Variants in PALM2AKAP2 observed in about 807,000 individuals in gnomAD.
PALM2AKAP2 encodes PALM2-AKAP2 fusion protein.
PALM2AKAP2 carries 37 observed loss-of-function variants against 71.5 expected under a neutral mutation model. The ratio of observed to expected loss-of-function variants is 0.52; its 90% confidence interval spans 0.40 to 0.68. The LOEUF (loss-of-function observed/expected upper bound fraction) is 0.68, where lower values mean the gene tolerates loss of function less well. Ranked by LOEUF, PALM2AKAP2 falls within the 30% of genes least tolerant of loss-of-function variation. The pLI, the probability that PALM2AKAP2 is intolerant of heterozygous loss-of-function variation, is 0.00. For synonymous variants in PALM2AKAP2, 468 were observed against 478.8 expected, an observed-to-expected ratio of 0.98 and a Z score of 0.29; for missense variants, 1,224 against 1,191.8, an observed-to-expected ratio of 1.03 and a Z score of -0.40.
intron 2 of PALM2AKAP2, among the ~76,000 whole-genome samples, chr9:110,144,517 C>T (rs1475195333): frequency 2.0e-5 from 3 of 152,202 alleles, no homozygotes; most frequent in Non-Finnish European, 4.4e-5. Flanking sequence ...CAAATTACCT[C>T]AACTCTTGAG....
upstream of PALM2AKAP2, among the ~76,000 whole-genome samples, chr9:110,043,714 G>GTTTTTTTT (rs71492869): frequency 9.1e-5 from 9 of 98,406 alleles, 1 homozygote; most frequent in South Asian, 3.2e-4. Context: ...GTTTTTTTTG[G>GTTTTTTTT]TGTTTTTTTT....
At chr9:109,766,248 GC>G (rs35330753) in intron 1 of PALM2AKAP2, among the ~76,000 whole-genome samples, 2 of 152,134 alleles carry the variant, frequency 1.3e-5, no homozygotes, top group Non-Finnish European at 2.9e-5. Flanking sequence ...CAATGACCCT[GC>G]CCAGTGGGAA....
chr9:110,037,853 A>G (rs1243887960), intron 7 of PALM2AKAP2, among the ~76,000 whole-genome samples: 1 of 152,220 alleles, frequency 6.6e-6, no homozygotes, highest in African/African-American at 2.4e-5. Flanking sequence ...GAGGTTAAGT[A>G]TGAGTCTGGA....
intron 3 of PALM2AKAP2, among the ~76,000 whole-genome samples, chr9:110,164,082 C>T (rs1006892361): frequency 1.3e-5 from 2 of 152,138 alleles, no homozygotes; most frequent in African/African-American, 4.8e-5. Context: ...CATAAGATAT[C>T]AAATGAATAC....
At chr9:110,100,573 T>C (rs1226312426) in intron 1 of PALM2AKAP2, among the ~76,000 whole-genome samples, 6 of 152,156 alleles carry the variant, frequency 3.9e-5, no homozygotes, top group Non-Finnish European at 4.4e-5. Flanking sequence ...TCCTCTGCTA[T>C]GTCCCAGATG....
At chr9:110,110,578 T>G (rs1471217218) in intron 1 of PALM2AKAP2, among the ~76,000 whole-genome samples, 1 of 140,436 alleles carries the variant, frequency 7.1e-6, no homozygotes, top group Non-Finnish European at 1.5e-5. Context: ...AGATGGAGTC[T>G]CACTATCATC....
chr9:109,783,447 T>C (rs1268092936), intron 1 of PALM2AKAP2, among the ~76,000 whole-genome samples: 1 of 151,960 alleles, frequency 6.6e-6, no homozygotes, highest in Non-Finnish European at 1.5e-5. Context: ...TACAGGCATG[T>C]GCCACCATGC....
intron 7 of PALM2AKAP2, among the ~76,000 whole-genome samples, chr9:110,029,316 CT>C (rs1241234169): frequency 6.6e-6 from 1 of 152,186 alleles, no homozygotes. Flanking sequence ...ATTTCATTTT[CT>C]GCAGATAGCT....
intron 1 of PALM2AKAP2, among the ~76,000 whole-genome samples, chr9:109,791,518 G>A (rs566840981): frequency 6.6e-6 from 1 of 152,068 alleles, no homozygotes; most frequent in Non-Finnish European, 1.5e-5. Flanking sequence ...TAGGGAGATA[G>A]GGCACCCCAG....
intron 3 of PALM2AKAP2, among the ~76,000 whole-genome samples, chr9:109,917,167 G>T (rs1830712948): frequency 1.3e-5 from 2 of 152,236 alleles, no homozygotes; most frequent in African/African-American, 4.8e-5. Flanking sequence ...TGGTTTTGAA[G>T]ATGGAGGAAG....
At chr9:109,974,113 G>C (rs768365744) in intron 6 of PALM2AKAP2, among the ~76,000 whole-genome samples, 7 of 152,198 alleles carry the variant, frequency 4.6e-5, no homozygotes, top group Non-Finnish European at 7.3e-5. Flanking sequence ...CATGGAGAGA[G>C]CATGCAACCA....
At chr9:109,847,663 C>G (rs1399691228) in intron 1 of PALM2AKAP2, 1 of 152,126 alleles carries the variant, frequency 6.6e-6, no homozygotes, top group African/African-American at 2.4e-5. Flanking sequence ...ATGGCGTGAA[C>G]CCAGGAGGCA....
chr9:109,937,707 G>A (rs1831260280), intron 6 of PALM2AKAP2, among the ~76,000 whole-genome samples: 1 of 152,140 alleles, frequency 6.6e-6, no homozygotes, highest in Non-Finnish European at 1.5e-5. Context: ...CAGCCTATCA[G>A]TGAAACTTCC....
chr9:109,695,519 G>A (rs1827957649), intron 1 of PALM2AKAP2, among the ~76,000 whole-genome samples: 1 of 151,872 alleles, frequency 6.6e-6, no homozygotes, highest in African/African-American at 2.4e-5. Context: ...ATCTTACTAC[G>A]GTTTTGATTT....
chr9:110,006,350 C>CTTTCTTTCTTTG (rs1296084551), intron 6 of PALM2AKAP2, among the ~76,000 whole-genome samples: 3 of 132,438 alleles, frequency 2.3e-5, no homozygotes, highest in Non-Finnish European at 3.1e-5. Flanking sequence ...TTCTTTCTTT[C>CTTTCTTTCTTTG]TTTCTTTCTT....
intron 6 of PALM2AKAP2, chr9:109,943,427 C>T: frequency 6.2e-7 from 1 of 1,604,158 alleles, no homozygotes; most frequent in South Asian, 1.1e-5. Flanking sequence ...GTCATGTGAC[C>T]ACTTCTTTCT....
intron 3 of PALM2AKAP2, among the ~76,000 whole-genome samples, chr9:109,899,711 C>G (rs1479270741): frequency 6.6e-6 from 1 of 152,170 alleles, no homozygotes; most frequent in Non-Finnish European, 1.5e-5. Flanking sequence ...CCTGCCATTC[C>G]TTGGATGTAC....
intron 1 of PALM2AKAP2, among the ~76,000 whole-genome samples, chr9:110,082,756 G>A (rs1295358253): frequency 6.6e-6 from 1 of 152,200 alleles, no homozygotes; most frequent in Non-Finnish European, 1.5e-5. Context: ...GTTCAGTAGT[G>A]TTAAGTACTG....
At chr9:109,744,943 A>C (rs1157089024) in intron 1 of PALM2AKAP2, among the ~76,000 whole-genome samples, 6 of 152,208 alleles carry the variant, frequency 3.9e-5, no homozygotes, top group Admixed American at 1.3e-4. Flanking sequence ...CATCTTCTCC[A>C]TGAGCTCCCT....
Sources: allele counts gnomAD v4.1 joint callset (sites outside exome capture counted in the v4.1 genomes callset), GRCh38; gene constraint gnomAD v4.1.1; transcripts MANE v1.5; gene names NCBI Gene and HGNC (gene_info 2026-07-23, HGNC 2026-07-21).